The following BBS12 variants were observed in gnomAD, a reference collection of about 807,000 sequenced individuals.
BBS12 encodes Bardet-Biedl syndrome 12, also known as chaperonin-containing T-complex member BBS12.
A neutral mutation model predicts 5.6 loss-of-function variants in BBS12; 5 were observed. That is an observed-to-expected ratio of 0.89 (90% CI 0.46 to 1.86). The LOEUF (loss-of-function observed/expected upper bound fraction) is 1.86, where lower values mean the gene tolerates loss of function less well. BBS12 is among the 40% of genes most tolerant of loss of function. BBS12 has a pLI of 0.01. For missense variants in BBS12, 748 were observed against 830.4 expected (o/e 0.90, Z 1.22); for synonymous variants, 308 against 306.8 (o/e 1.00, Z -0.04).
At chr4:122,737,476 G>A (rs1340514157) in intron 1 of BBS12, among the ~76,000 whole-genome samples, 3 of 152,092 alleles carry the variant, frequency 2.0e-5, no homozygotes, top group Admixed American at 6.5e-5. Flanking sequence ...ATAGATTATA[G>A]TACCTCCCTC....
chr4:122,716,605 A>ATATGTATG, the BBS12 span, among the ~76,000 whole-genome samples: 2 of 123,424 alleles, frequency 1.6e-5, no homozygotes, highest in Non-Finnish European at 3.4e-5. Context: ...ATGTATACAC[A>ATATGTATG]CATGTGTGTA....
In BBS12 at chr4:122,741,927, G is replaced by A. The variant is rs1021536457; in HGVS notation, c.35G>A (p.Arg12Lys). ...VMACRVVNKR[R>K]HMGLQQLSSF... ...GCTTGCAGAGTCGTAAACAAAAGAA[G>A]ACACATGGGACTTCAACAACTTTCA... The change falls in exon 2 of 2, where the codon AGA becomes AAA. Residue 12 changes from arginine to lysine, a missense_variant. Physicochemically the swap from Arg to Lys is conservative, Grantham distance 26. Transcript: ENST00000314218. The A allele has an allele frequency of 6.2e-7, 1 of 1,613,922 alleles. No homozygotes were observed. The highest frequency in any genetic ancestry group is 8.5e-7 in the Non-Finnish European group (1 of 1,179,998).
chr4:122,743,127 T>C lies in BBS12; in HGVS notation c.1235T>C (p.Val412Ala). 1 of 1,614,248 alleles carries C rather than the reference T, an allele frequency of 6.2e-7. No individual in the cohort carries two copies. Among genetic ancestry groups the C allele is most frequent in the Non-Finnish European group, 8.5e-7 (1 of 1,180,046 alleles). The change falls in exon 2 of 2, where the codon GTC becomes GCC. Residue 412 changes from valine (V) to alanine (A), a missense_variant. Transcript: ENST00000314218. ...QVLIQFKVNL[V>A]LVQGNVSERL... The stretch of plus-strand genomic sequence containing the variant: ...TTAATCCAGTTCAAGGTGAACCTTG[T>C]CCTGGTACAAGGAAATGTGTCCGAA...
At chr4:122,718,302 C>A in the BBS12 span, among the ~76,000 whole-genome samples, 1 of 152,188 alleles carries the variant, frequency 6.6e-6, no homozygotes, top group Admixed American at 6.5e-5. Flanking sequence ...GCGATCACCT[C>A]CTACCTAGCC....
chr4:122,725,825 G>A, the BBS12 span, among the ~76,000 whole-genome samples: 1 of 148,122 alleles, frequency 6.8e-6, no homozygotes, highest in East Asian at 2.0e-4. Flanking sequence ...TTAAACCCAG[G>A]AGGCAGAGGT....
At chr4:122,706,909 A>G in the BBS12 span, among the ~76,000 whole-genome samples, 3 of 152,212 alleles carry the variant, frequency 2.0e-5, no homozygotes, top group East Asian at 5.8e-4. Context: ...TTTCTCTAAC[A>G]TTGGGATATA....
the BBS12 span, among the ~76,000 whole-genome samples, chr4:122,716,252 A>G: frequency 6.6e-6 from 1 of 152,146 alleles, no homozygotes; most frequent in Non-Finnish European, 1.5e-5. Flanking sequence ...AATACAATTG[A>G]ATTTTGTACT....
chr4:122,716,338 C>T, the BBS12 span, among the ~76,000 whole-genome samples: 2 of 151,750 alleles, frequency 1.3e-5, no homozygotes, highest in Admixed American at 6.6e-5. Flanking sequence ...AAAAAGCAAA[C>T]ATTTTCACCC....
chr4:122,739,688 G>A (rs1329634843), intron 1 of BBS12, among the ~76,000 whole-genome samples: 1 of 152,238 alleles, frequency 6.6e-6, no homozygotes, highest in Non-Finnish European at 1.5e-5. Context: ...GCTTCGGAGG[G>A]TATGGGGATG....
chr4:122,740,414 A>G lies in BBS12; in HGVS notation c.-10-1469A>G, dbSNP rs1800851023. On this transcript the variant is annotated intron_variant, in intron 1 of 1. Coordinates refer to ENST00000314218, the MANE Select transcript of BBS12 (RefSeq NM_152618.3). ...CTGAAGAGGAGGAGAAATGCCACAT[A>G]CCTTTCCCATTGAACCTGTGGTGGA... 2.0e-5 allele frequency among the ~76,000 whole-genome samples: 3 copies of G among 152,334 alleles called. No individual in the cohort carries two copies. In the South Asian group the frequency reaches 6.2e-4, roughly 32 times the overall value.
the BBS12 span, among the ~76,000 whole-genome samples, chr4:122,727,544 ATT>A: frequency 2.2e-4 from 18 of 82,288 alleles, no homozygotes; most frequent in South Asian, 1.4e-3. Context: ...CCCCTGGCCA[ATT>A]TTTTTTTTTT....
intron 1 of BBS12, among the ~76,000 whole-genome samples, chr4:122,738,554 A>C (rs1800820283): frequency 6.6e-6 from 1 of 152,230 alleles, no homozygotes; most frequent in South Asian, 2.1e-4. Flanking sequence ...ATCAAAATGC[A>C]TAATCCAAAA....
chr4:122,725,956 C>T, the BBS12 span, among the ~76,000 whole-genome samples: 14 of 148,330 alleles, frequency 9.4e-5, no homozygotes, highest in South Asian at 2.4e-3. Flanking sequence ...CTAAAACCTG[C>T]GACTATAAAA....
At chr4:122,708,501 C>G in the BBS12 span, among the ~76,000 whole-genome samples, 1 of 152,022 alleles carries the variant, frequency 6.6e-6, no homozygotes, top group Non-Finnish European at 1.5e-5. Context: ...GGCCCTAGCA[C>G]TGCTCAACTT....
rs1454887662 is a variant in BBS12, at chr4:122,732,741, C to T, written c.-154C>T. ...AAGCCCCCGGCTCCTCCAGAAGCCCCTCTTCGCACATGCGCAAACTGCGGA... is the reference window on the plus strand; with the variant it reads ...AAGCCCCCGGCTCCTCCAGAAGCCCTTCTTCGCACATGCGCAAACTGCGGA... On this transcript the variant is annotated 5_prime_UTR_variant, in exon 1 of 2. Coordinates refer to ENST00000314218, the MANE Select transcript of BBS12 (RefSeq NM_152618.3). 6.6e-6 allele frequency: 1 copy of T among 152,478 alleles called. No individual in the cohort carries two copies. The highest frequency in any genetic ancestry group is 1.5e-5 in the Non-Finnish European group (1 of 68,226). The allele number at this position is 152,478 out of a possible 1,614,324, so 9.4% of individuals were successfully genotyped here. A position where few individuals can be genotyped will look rare whatever the true frequency, so the allele number is the denominator to read the frequency against.
chr4:122,742,687 T>C lies in BBS12; in HGVS notation c.795T>C (p.Cys265=). The C allele has an allele frequency of 1.2e-6, 2 of 1,614,244 alleles. No individual in the cohort carries two copies. The highest frequency in any genetic ancestry group is 1.7e-6 in the Non-Finnish European group (2 of 1,180,046). The change falls in exon 2 of 2, where the codon TGT becomes TGC. Residue 265 remains cysteine, a synonymous_variant. Coordinates refer to ENST00000314218, the MANE Select transcript of BBS12 (RefSeq NM_152618.3). ...HVTATHKTYR[C]NDLVELAVGL... ...CAGCTACTCACAAAACTTACAGATG[T>C]AATGATTTGGTAGAGTTGGCAGTAG...
intron 1 of BBS12, among the ~76,000 whole-genome samples, chr4:122,738,889 T>C (rs1332737978): frequency 6.6e-6 from 1 of 152,216 alleles, no homozygotes; most frequent in African/African-American, 2.4e-5. Context: ...GACTGAATAT[T>C]TCCCCCCAGT....
At chr4:122,710,564 G>A in the BBS12 span, among the ~76,000 whole-genome samples, 4 of 152,178 alleles carry the variant, frequency 2.6e-5, no homozygotes, top group African/African-American at 9.6e-5. Context: ...GAGGTATCGT[G>A]TTACAGTGGA....
In BBS12 at chr4:122,744,007, G is replaced by A; in HGVS notation, c.2115G>A (p.Thr705=). The A allele has an allele frequency of 6.2e-7, 1 of 1,613,684 alleles. No homozygotes were observed. Among genetic ancestry groups the A allele is most frequent in the Non-Finnish European group, 8.5e-7 (1 of 1,179,696 alleles). Residue 705 remains threonine (T), a synonymous_variant, in exon 2 of 2, where the codon ACG becomes ACA. Coordinates refer to ENST00000314218, the MANE Select transcript of BBS12 (RefSeq NM_152618.3). ...CACAGATAAATTCACAGGAATTAACGGGCTTTCTATTTTTGTAGTGTTACT... is the reference window on the plus strand; with the variant it reads ...CACAGATAAATTCACAGGAATTAACAGGCTTTCTATTTTTGTAGTGTTACT... The part of the protein sequence containing the change: ...GHTQINSQEL[T]GFLFL
Sources: gnomAD v4.1 joint callset for allele counts (sites outside exome capture counted in the v4.1 genomes callset) on GRCh38, gnomAD v4.1.1 for gene constraint, MANE v1.5 for transcripts, NCBI Gene and HGNC (gene_info 2026-07-23, HGNC 2026-07-21) for gene names.